The following GATAD1 variants were observed in gnomAD, a reference collection of about 807,000 sequenced individuals.
The protein encoded by GATAD1 is GATA zinc finger domain-containing protein 1.
A neutral mutation model predicts 26.5 loss-of-function variants in GATAD1; 12 were observed. The ratio of observed to expected loss-of-function variants is 0.45; its 90% CI spans 0.29 to 0.73. The LOEUF (loss-of-function observed/expected upper bound fraction) is 0.73, where lower values mean the gene tolerates loss of function less well. Ranked by LOEUF, GATAD1 falls within the 30% of genes least tolerant of loss-of-function variation. GATAD1 has a pLI of 0.10. For missense variants in GATAD1, 266 were observed against 342.1 expected (o/e 0.78, Z 1.75); for synonymous variants, 129 against 133.1 (o/e 0.97, Z 0.21).
the GATAD1 span, among the ~76,000 whole-genome samples, chr7:92,467,184 T>C: frequency 1.3e-5 from 2 of 151,946 alleles, no homozygotes; most frequent in East Asian, 3.9e-4. Context: ...CCAGGCATGG[T>C]GACACATGCC....
chr7:92,469,972 G>T, the GATAD1 span: 1 of 776,908 alleles, frequency 1.3e-6, no homozygotes, highest in Non-Finnish European at 2.4e-6. Flanking sequence ...ATGTACCCGG[G>T]TGAGTTGGGA....
Position 92,459,964 on chromosome 7 carries a change from G to C in GATAD1, c.*3402G>C, listed in dbSNP as rs1432277925. On this transcript the variant is annotated 3_prime_UTR_variant, in exon 5 of 5. Transcript: ENST00000287957. ...GTAAAATTTAGATTGTTACATTCTG[G>C]GTTAGTATTAGATTGTTTTTAAGAT... Among the ~76,000 whole-genome samples the C allele has an allele frequency of 6.6e-6, 1 of 152,082 alleles. No individual in the cohort carries two copies. The highest frequency in any genetic ancestry group is 2.4e-5 in the African/African-American group (1 of 41,382).
chr7:92,448,686 G>A, intron 1 of GATAD1, 66 bp from the exon 2 acceptor site: 1 of 1,227,958 alleles, frequency 8.1e-7, no homozygotes, highest in East Asian at 2.3e-5. Context: ...TAAGATGATT[G>A]TACTGCAACC....
At position 92,451,026 on chromosome 7, in the gene GATAD1, T is replaced by G. The variant is rs1310548376; in HGVS notation, c.435+266T>G. Among the ~76,000 whole-genome samples the G allele has an allele frequency of 2.0e-5, 3 of 151,294 alleles. No individual in the cohort carries two copies. The East Asian group carries it at 5.9e-4, about 30-fold the overall frequency. ...TTTTAGTGTAGATTGTAGGAATTAT[T>G]CTTAAAATGCTGATTGTATAGTGTG... On this transcript the variant is annotated intron_variant, in intron 3 of 4. Transcript: ENST00000287957.
At chr7:92,490,216 G>T in the GATAD1 span, 1 of 352,948 alleles carries the variant, frequency 2.8e-6, no homozygotes, top group Non-Finnish European at 5.2e-6. Flanking sequence ...TTTTCAGAAA[G>T]TAAAGTTATA....
the GATAD1 span, among the ~76,000 whole-genome samples, chr7:92,465,353 C>T: frequency 6.6e-6 from 1 of 152,220 alleles, no homozygotes; most frequent in Non-Finnish European, 1.5e-5. Flanking sequence ...TGCAGTGGCT[C>T]ATGCCTGTAA....
chr7:92,466,189 C>T, the GATAD1 span, among the ~76,000 whole-genome samples: 1 of 151,438 alleles, frequency 6.6e-6, no homozygotes, highest in Non-Finnish European at 1.5e-5. Context: ...TTTTTTGAAA[C>T]AGGTTCTTGC....
the GATAD1 span, among the ~76,000 whole-genome samples, chr7:92,473,685 G>A: frequency 6.6e-6 from 1 of 151,988 alleles, no homozygotes; most frequent in South Asian, 2.1e-4. Context: ...TAGTGGCTGG[G>A]AGAAGTATCT....
chr7:92,478,388 T>A, the GATAD1 span, among the ~76,000 whole-genome samples: 1 of 152,214 alleles, frequency 6.6e-6, no homozygotes, highest in Non-Finnish European at 1.5e-5. Flanking sequence ...TTGGAATGGA[T>A]GTTGAATGAA....
chr7:92,453,535 G>T (rs1331664978), intron 3 of GATAD1, among the ~76,000 whole-genome samples: 1 of 152,196 alleles, frequency 6.6e-6, no homozygotes, highest in Non-Finnish European at 1.5e-5. Context: ...TAGTCCTGTT[G>T]TGGAAGGATA....
chr7:92,491,366 T>C, the GATAD1 span: 21 of 1,613,818 alleles, frequency 1.3e-5, no homozygotes, highest in South Asian at 2.2e-4. Flanking sequence ...TGGAAGGATC[T>C]CGGACATCTC....
chr7:92,491,075 C>T, the GATAD1 span, among the ~76,000 whole-genome samples: 1 of 152,184 alleles, frequency 6.6e-6, no homozygotes, highest in Admixed American at 6.5e-5. Context: ...TGGTTCCTTG[C>T]TCCCAGCCCT....
the GATAD1 span, among the ~76,000 whole-genome samples, chr7:92,486,197 A>G: frequency 6.6e-6 from 1 of 152,222 alleles, no homozygotes; most frequent in African/African-American, 2.4e-5. Flanking sequence ...GCAAGTCCAC[A>G]CCCAGGAGAG....
chr7:92,482,630 G>T, the GATAD1 span, among the ~76,000 whole-genome samples: 12 of 152,148 alleles, frequency 7.9e-5, no homozygotes, highest in East Asian at 2.3e-3. Flanking sequence ...CATACTTGTG[G>T]GTTAAGGTGG....
In GATAD1 at chr7:92,456,652, A is replaced by G. The variant is rs374444749; in HGVS notation, c.*90A>G. On this transcript the variant is annotated 3_prime_UTR_variant, in exon 5 of 5. Coordinates refer to ENST00000287957, the MANE Select transcript of GATAD1 (RefSeq NM_021167.5). ...GCACCACTGCTCTCCAAGCTGGGCA[A>G]TGGAGTCAGATTCTCTTTCTTAAAA... 2.1e-5 allele frequency: 15 copies of G among 699,906 alleles called. No individual in the cohort carries two copies. Among genetic ancestry groups the G allele is most frequent in the South Asian group, 4.7e-5 (2 of 42,634 alleles). 43.4% of individuals were successfully genotyped at this position (699,906 alleles called of 1,614,324 possible). A position where few individuals can be genotyped will look rare whatever the true frequency, so the allele number is the denominator to read the frequency against.
the GATAD1 span, chr7:92,492,837 T>C: frequency 1.2e-6 from 1 of 812,574 alleles, no homozygotes; most frequent in Non-Finnish European, 2.2e-6. Context: ...AATTTATGTT[T>C]CTATACAGTT....
chr7:92,449,313 G>GA (rs1422590423), intron 2 of GATAD1: 1 of 845,550 alleles, frequency 1.2e-6, no homozygotes, highest in Non-Finnish European at 1.4e-6. Flanking sequence ...TAAAGCCCCA[G>GA]AAAATGTATC....
At chr7:92,493,164 AT>A in the GATAD1 span, 3 of 1,184,348 alleles carry the variant, frequency 2.5e-6, no homozygotes, top group Non-Finnish European at 3.7e-6. Flanking sequence ...CAAATAAAAA[AT>A]AAAATTAAAA....
the GATAD1 span, chr7:92,490,262 A>G: frequency 7.5e-6 from 2 of 265,724 alleles, no homozygotes; most frequent in South Asian, 8.9e-5. Context: ...AGAATAAATT[A>G]AAAACAGAAT....
Sources: gnomAD v4.1 joint callset for allele counts (sites outside exome capture counted in the v4.1 genomes callset) on GRCh38, gnomAD v4.1.1 for gene constraint, MANE v1.5 for transcripts, NCBI Gene and HGNC (gene_info 2026-07-23, HGNC 2026-07-21) for gene names.